Variants in TESK2 observed in about 807,000 individuals in gnomAD.
TESK2 encodes the protein testis associated actin remodelling kinase 2, also known as dual specificity testis-specific protein kinase 2.
A neutral mutation model predicts 57.1 loss-of-function variants in TESK2; 39 were observed. That is an observed-to-expected ratio of 0.68 (90% CI 0.53 to 0.89). The LOEUF (loss-of-function observed/expected upper bound fraction) is 0.89. Among genes scored for constraint, TESK2 ranks in the 40% least tolerant of loss-of-function variants. The pLI is 0.00. For missense variants in TESK2, 646 were observed against 732.1 expected (o/e 0.88, Z 1.36); for synonymous variants, 249 against 267.9 (o/e 0.93, Z 0.69).
At chr1:45,429,519 C>T (rs1650861943) in intron 2 of TESK2, among the ~76,000 whole-genome samples, 1 of 152,036 alleles carries the variant, frequency 6.6e-6, no homozygotes, top group African/African-American at 2.4e-5. Flanking sequence ...TCCTCAAAGA[C>T]AGGCATTTTT....
At chr1:45,370,505 TACAA>T (rs1489586218) in intron 4 of TESK2, among the ~76,000 whole-genome samples, 7 of 152,154 alleles carry the variant, frequency 4.6e-5, no homozygotes, top group East Asian at 1.9e-4. Context: ...AATCTACACA[TACAA>T]ACAGTCAGTT....
intron 3 of TESK2, among the ~76,000 whole-genome samples, chr1:45,392,084 T>C (rs1053026404): frequency 3.9e-5 from 6 of 152,118 alleles, no homozygotes; most frequent in Admixed American, 1.3e-4. Context: ...AAGGTATTGA[T>C]TGATTGATTG....
intron 2 of TESK2, among the ~76,000 whole-genome samples, chr1:45,426,085 A>T (rs182088495): frequency 8.5e-5 from 13 of 152,224 alleles, no homozygotes; most frequent in African/African-American, 3.1e-4. Flanking sequence ...CGGGAGGCAG[A>T]GGTTGCAGTG....
At chr1:45,381,210 A>G (rs1387529178) in intron 4 of TESK2, among the ~76,000 whole-genome samples, 1 of 152,220 alleles carries the variant, frequency 6.6e-6, no homozygotes, top group African/African-American at 2.4e-5. Flanking sequence ...CCAATGGGGC[A>G]GAAAACACAA....
At chr1:45,454,571 GC>G (rs1168411999) in intron 2 of TESK2, among the ~76,000 whole-genome samples, 1 of 151,798 alleles carries the variant, frequency 6.6e-6, no homozygotes, top group Non-Finnish European at 1.5e-5. Flanking sequence ...CAACCACAAT[GC>G]CCAGCCAAAA....
At chr1:45,482,602 A>T (rs1212675555) in intron 1 of TESK2, among the ~76,000 whole-genome samples, 1 of 10,778 alleles carries the variant, frequency 9.3e-5, no homozygotes, top group African/African-American at 7.5e-4. Context: ...TCAGCCATTA[A>T]AAAAAAAAAA....
chr1:45,356,988 G>A (rs959622357), intron 4 of TESK2, among the ~76,000 whole-genome samples: 1 of 152,060 alleles, frequency 6.6e-6, no homozygotes, highest in African/African-American at 2.4e-5. Context: ...GACATCAGGA[G>A]TTCAAGACCA....
intron 3 of TESK2, among the ~76,000 whole-genome samples, chr1:45,391,534 T>A (rs1038845595): frequency 1.3e-5 from 2 of 152,196 alleles, no homozygotes; most frequent in African/African-American, 4.8e-5. Context: ...TATCTCTGCA[T>A]TTCTACTACC....
chr1:45,479,146 T>G (rs1653113349), intron 1 of TESK2, among the ~76,000 whole-genome samples: 1 of 152,206 alleles, frequency 6.6e-6, no homozygotes, highest in South Asian at 2.1e-4. Flanking sequence ...AAAAAAATTT[T>G]TAACATCCTT....
chr1:45,348,202 C>G (rs1179210555), intron 5 of TESK2, among the ~76,000 whole-genome samples: 1 of 152,146 alleles, frequency 6.6e-6, no homozygotes, highest in Non-Finnish European at 1.5e-5. Context: ...TCTTGGGTGG[C>G]TGTCCTAGGA....
intron 2 of TESK2, among the ~76,000 whole-genome samples, chr1:45,454,648 C>A (rs1258736621): frequency 6.6e-6 from 1 of 151,904 alleles, no homozygotes; most frequent in African/African-American, 2.4e-5. Flanking sequence ...TATGACTCAG[C>A]AATTCTATTT....
At chr1:45,371,545 T>C (rs765812472) in intron 4 of TESK2, among the ~76,000 whole-genome samples, 9 of 152,102 alleles carry the variant, frequency 5.9e-5, no homozygotes, top group Non-Finnish European at 8.8e-5. Flanking sequence ...ATATGAGGTA[T>C]CAAAAGTAGT....
chr1:45,451,107 T>A (rs948906395), intron 2 of TESK2, among the ~76,000 whole-genome samples: 1 of 152,214 alleles, frequency 6.6e-6, no homozygotes, highest in African/African-American at 2.4e-5. Flanking sequence ...GTGCTGATGG[T>A]GCCTCATCAG....
At chr1:45,481,237 C>T (rs796133549) in intron 1 of TESK2, among the ~76,000 whole-genome samples, 1 of 151,800 alleles carries the variant, frequency 6.6e-6, no homozygotes, top group Non-Finnish European at 1.5e-5. Flanking sequence ...TGGTAGCAGG[C>T]GCCTGTAGTC....
intron 3 of TESK2, among the ~76,000 whole-genome samples, chr1:45,395,182 G>A (rs1649309584): frequency 6.6e-6 from 1 of 152,024 alleles, no homozygotes; most frequent in East Asian, 1.9e-4. Flanking sequence ...CTTACTTAAC[G>A]ATGGGGATAC....
chr1:45,373,786 G>A (rs544112533), intron 4 of TESK2, among the ~76,000 whole-genome samples: 1 of 152,342 alleles, frequency 6.6e-6, no homozygotes, highest in Admixed American at 6.5e-5. Context: ...CAGTGATTAT[G>A]TATCAGGCAC....
At chr1:45,386,590 CT>C (rs1648907725) in intron 3 of TESK2, among the ~76,000 whole-genome samples, 1 of 151,848 alleles carries the variant, frequency 6.6e-6, no homozygotes, top group Admixed American at 6.6e-5. Context: ...AGTTTTTTTA[CT>C]GGTGATTTCT....
rs752669723 is a variant in TESK2 at position 45,345,013 on chromosome 1, A to T, written c.1543T>A (p.Cys515Ser). 14 of 1,614,144 alleles carry T rather than the reference A, an allele frequency of 8.7e-6. No homozygotes were observed. The highest frequency in any genetic ancestry group is 1.3e-5 in the African/African-American group (1 of 74,954). ...PAAQAHEAMD[C>S]SILQEENGFG... Reference sequence around the variant, plus strand: ...CCATTTTCTTCCTGGAGAATGGAGCAGTCCATAGCCTCATGGGCTTGAGCA... The same window carrying T: ...CCATTTTCTTCCTGGAGAATGGAGCTGTCCATAGCCTCATGGGCTTGAGCA... The change falls in exon 11 of 11, where the codon TGC (cysteine) becomes AGC (serine). Residue 515 changes from cysteine (C) to serine (S), a missense_variant. Coordinates refer to ENST00000372086, the MANE Select transcript of TESK2 (RefSeq NM_007170.3).
intron 4 of TESK2, among the ~76,000 whole-genome samples, chr1:45,383,974 G>A (rs1648760111): frequency 1.3e-5 from 2 of 152,050 alleles, no homozygotes; most frequent in African/African-American, 4.8e-5. Context: ...CAGCGGTATA[G>A]GACTAAGTAC....
Sources: gnomAD v4.1 joint callset for allele counts (sites outside exome capture counted in the v4.1 genomes callset) on GRCh38, gnomAD v4.1.1 for gene constraint, MANE v1.5 for transcripts, NCBI Gene and HGNC (gene_info 2026-07-23, HGNC 2026-07-21) for gene names.